Variants in EGLN1 observed in about 807,000 individuals in gnomAD.
The protein encoded by EGLN1 is egl nine homolog 1.
In EGLN1, 17 loss-of-function variants were observed where a neutral mutation model predicts 38.3. The observed-to-expected ratio is 0.44, with a 90% CI of 0.30 to 0.67. The LOEUF is 0.67. EGLN1 is among the 30% of genes least tolerant of loss of function. The pLI is 0.08. For synonymous variants in EGLN1, 283 were observed against 257.5 expected, an observed-to-expected ratio of 1.10 and a Z score of -0.95; for missense variants, 477 against 603.3, an observed-to-expected ratio of 0.79 and a Z score of 2.19.
At chr1:231,373,016 A>T (rs891839496) in intron 2 of EGLN1, among the ~76,000 whole-genome samples, 34 of 152,238 alleles carry the variant, frequency 2.2e-4, no homozygotes, top group African/African-American at 8.0e-4. Context: ...TTAAGATTTT[A>T]AAAAATCAAC....
chr1:231,411,589 T>C (rs2491416), intron 1 of EGLN1, among the ~76,000 whole-genome samples: 64,769 of 151,988 alleles, frequency 0.43, 14,696 homozygotes, highest in African/African-American at 0.59. Flanking sequence ...TCATGTTTCA[T>C]GTTTCTGGTT....
chr1:231,418,959 AT>A (rs1438251558), intron 1 of EGLN1, among the ~76,000 whole-genome samples: 1 of 152,000 alleles, frequency 6.6e-6, no homozygotes, highest in Non-Finnish European at 1.5e-5. Context: ...GTGGGTGGTT[AT>A]TTTGATTGCC....
At position 231,420,916 on chromosome 1, in the gene EGLN1, T is replaced by C. The variant is rs1269564067; in HGVS notation, c.891+82A>G. On this transcript the variant is annotated intron_variant, in intron 1 of 4. Transcript: ENST00000366641. Reference sequence around the variant, plus strand: ...CTTCTATATAGAGGAATGCTGCTTCTCAGCCTAGGCAGTTTCAGTCGCAGG... The same window carrying C: ...CTTCTATATAGAGGAATGCTGCTTCCCAGCCTAGGCAGTTTCAGTCGCAGG... 1.9e-6 allele frequency: 3 copies of C among 1,611,990 alleles called. No homozygotes were observed. The Admixed American group carries it at 5.0e-5, about 27-fold the overall frequency.
chr1:231,369,445 A>T, intron 3 of EGLN1: 1 of 358,672 alleles, frequency 2.8e-6, no homozygotes, highest in Non-Finnish European at 3.9e-6. Context: ...GAAAATCTTT[A>T]CAGAAGCAGC....
chr1:231,399,240 C>T (rs957766298), intron 1 of EGLN1, among the ~76,000 whole-genome samples: 20 of 152,244 alleles, frequency 1.3e-4, no homozygotes, highest in East Asian at 3.9e-4. Context: ...ATACTGGGCA[C>T]TTTATATTAT....
chr1:231,382,055 C>T (rs1006291738), intron 1 of EGLN1, among the ~76,000 whole-genome samples: 2 of 152,132 alleles, frequency 1.3e-5, no homozygotes, highest in African/African-American at 4.8e-5. Flanking sequence ...TAATATAATT[C>T]GTTGGAAGAG....
chr1:231,400,700 A>C (rs1414432263), intron 1 of EGLN1, among the ~76,000 whole-genome samples: 1 of 152,150 alleles, frequency 6.6e-6, no homozygotes, highest in African/African-American at 2.4e-5. Context: ...GCATTTCTGA[A>C]ATTACTTCAA....
At chr1:231,367,535 G>C (rs142409880) in intron 4 of EGLN1, 34 bp downstream of exon 4, 1 of 1,604,956 alleles carries the variant, frequency 6.2e-7, no homozygotes, top group Middle Eastern at 1.7e-4. Context: ...GGGTATTTCT[G>C]TACCAATATA....
chr1:231,406,555 G>A (rs994173043), intron 1 of EGLN1, among the ~76,000 whole-genome samples: 1 of 151,968 alleles, frequency 6.6e-6, no homozygotes, highest in Non-Finnish European at 1.5e-5. Context: ...TTATTTATGG[G>A]GGAAAAGAAA....
intron 1 of EGLN1, among the ~76,000 whole-genome samples, chr1:231,406,157 C>T (rs1688787312): frequency 1.5e-5 from 1 of 68,308 alleles, no homozygotes; most frequent in Non-Finnish European, 3.5e-5. Flanking sequence ...GCCAGAGAGA[C>T]TCCGTCTCAA....
chr1:231,402,942 A>G (rs1688699276), intron 1 of EGLN1, among the ~76,000 whole-genome samples: 1 of 151,332 alleles, frequency 6.6e-6, no homozygotes, highest in South Asian at 2.1e-4. Flanking sequence ...TTGTTAGTGT[A>G]GGTCTATTTC....
intron 1 of EGLN1, among the ~76,000 whole-genome samples, chr1:231,413,986 A>AG (rs35739298): frequency 0.15 from 23,030 of 152,246 alleles, 2,139 homozygotes; most frequent in African/African-American, 0.25. Context: ...CAAAGGTGGC[A>AG]GAAAAGTTGA....
At chr1:231,411,805 C>T (rs995178887) in intron 1 of EGLN1, among the ~76,000 whole-genome samples, 4 of 151,302 alleles carry the variant, frequency 2.6e-5, no homozygotes, top group Non-Finnish European at 4.4e-5. Context: ...AAGATCAGCC[C>T]GGCCAACATA....
chr1:231,414,303 G>A (rs1374497711), intron 1 of EGLN1, among the ~76,000 whole-genome samples: 1 of 152,102 alleles, frequency 6.6e-6, no homozygotes, highest in African/African-American at 2.4e-5. Context: ...AGCTTTAAAG[G>A]CCTAAAGTGA....
intron 1 of EGLN1, among the ~76,000 whole-genome samples, chr1:231,392,927 G>A (rs1037437778): frequency 1.3e-5 from 2 of 152,148 alleles, no homozygotes; most frequent in African/African-American, 4.8e-5. Flanking sequence ...TCACCCCTAG[G>A]TGAGGTTCAC....
At chr1:231,369,300 T>C (rs1687752269) in intron 3 of EGLN1, among the ~76,000 whole-genome samples, 1 of 152,220 alleles carries the variant, frequency 6.6e-6, no homozygotes, top group South Asian at 2.1e-4. Flanking sequence ...CCTGTAGCAC[T>C]TAGCCTCCAT....
intron 1 of EGLN1, among the ~76,000 whole-genome samples, chr1:231,418,384 A>C (rs1487101133): frequency 6.6e-6 from 1 of 152,234 alleles, no homozygotes; most frequent in African/African-American, 2.4e-5. Context: ...AGTGTGCTAA[A>C]TAATCTACAT....
At chr1:231,390,213 G>A (rs1300816723) in intron 1 of EGLN1, among the ~76,000 whole-genome samples, 1 of 152,238 alleles carries the variant, frequency 6.6e-6, no homozygotes, top group Non-Finnish European at 1.5e-5. Context: ...TGGTAGGTAT[G>A]ACTAATGGCT....
In EGLN1 at chr1:231,414,659, AG is replaced by A. The variant is rs201806952; in HGVS notation, c.891+6338del. On this transcript the variant is annotated intron_variant, in intron 1 of 4. Transcript: ENST00000366641. Reference sequence around the variant, plus strand: ...ATGACAGAAGCAAAAGGGAGAAGAAAGTCTCGAATGTTCAAGCATATTCTCA... The same window carrying A: ...ATGACAGAAGCAAAAGGGAGAAGAAATCTCGAATGTTCAAGCATATTCTCA... Among the ~76,000 whole-genome samples the A allele has an allele frequency of 8.3e-4, 127 of 152,166 alleles. 1 individual carries two copies. In the East Asian group the frequency reaches 0.022, roughly 27 times the overall value.
Sources: allele counts gnomAD v4.1 joint callset (sites outside exome capture counted in the v4.1 genomes callset), GRCh38; gene constraint gnomAD v4.1.1; transcripts MANE v1.5; gene names NCBI Gene and HGNC (gene_info 2026-07-23, HGNC 2026-07-21).